Variants in SUPT3H observed in about 807,000 individuals in gnomAD.
SUPT3H encodes the protein transcription initiation protein SPT3 homolog.
A neutral mutation model predicts 44.3 loss-of-function variants in SUPT3H; 44 were observed. The ratio of observed to expected loss-of-function variants is 0.99; its 90% CI spans 0.78 to 1.28. SUPT3H has a LOEUF of 1.28. Among genes scored for constraint, SUPT3H ranks in the 50% most tolerant of loss-of-function variants. SUPT3H has a pLI of 0.00. For missense variants in SUPT3H, 380 were observed against 387.1 expected, an observed-to-expected ratio of 0.98 and a Z score of 0.15; for synonymous variants, 124 against 125.6, an observed-to-expected ratio of 0.99 and a Z score of 0.09.
At chr6:44,898,427 C>T (rs776073154) in intron 10 of SUPT3H, among the ~76,000 whole-genome samples, 1 of 152,130 alleles carries the variant, frequency 6.6e-6, no homozygotes, top group Non-Finnish European at 1.5e-5. Flanking sequence ...ACTGAGGCCC[C>T]CAGCCAACTC....
chr6:45,204,246 CAAA>C (rs1191253530), intron 2 of SUPT3H, among the ~76,000 whole-genome samples: 2 of 17,510 alleles, frequency 1.1e-4, no homozygotes, highest in African/African-American at 1.7e-4. Flanking sequence ...GATTCCGTCT[CAAA>C]AAAGAAGAAG....
chr6:44,881,406 C>A (rs923385464), intron 10 of SUPT3H, among the ~76,000 whole-genome samples: 2 of 152,148 alleles, frequency 1.3e-5, no homozygotes, highest in Admixed American at 6.5e-5. Context: ...TAGAGATCTA[C>A]AAAGAGACTT....
chr6:45,323,502 C>G (rs1785855903), intron 2 of SUPT3H, among the ~76,000 whole-genome samples: 1 of 151,856 alleles, frequency 6.6e-6, no homozygotes, highest in African/African-American at 2.4e-5. Flanking sequence ...GAATAAAGAG[C>G]AAGAAAAACA....
intron 7 of SUPT3H, among the ~76,000 whole-genome samples, chr6:44,961,188 T>C (rs1183153546): frequency 6.6e-6 from 1 of 152,196 alleles, no homozygotes; most frequent in Non-Finnish European, 1.5e-5. Context: ...TGTGCAGTGA[T>C]GTGAAAGTAC....
At chr6:44,834,113 GA>G (rs965079797) in intron 10 of SUPT3H, among the ~76,000 whole-genome samples, 5 of 152,130 alleles carry the variant, frequency 3.3e-5, no homozygotes, top group African/African-American at 1.2e-4. Context: ...TCTGAGTGGA[GA>G]TTAGGCTTTG....
intron 3 of SUPT3H, among the ~76,000 whole-genome samples, chr6:45,029,692 T>C (rs2153523074): frequency 1.3e-5 from 2 of 152,334 alleles, no homozygotes; most frequent in South Asian, 2.1e-4. Context: ...TTTTTAAAAG[T>C]TGAAATTAAA....
rs557914358 is a variant in SUPT3H, at chr6:44,902,985, G to C, written c.912+29668C>G. On this transcript the variant is annotated intron_variant, in intron 10 of 10. Transcript: ENST00000371459. ...TAAAGATGTCCTTTGAAACCAACGA[G>C]AACAAAGACACAACATACCAGAATC... is the stretch of plus-strand genomic sequence containing the variant. Among the ~76,000 whole-genome samples, 10 of 152,118 alleles carry C rather than the reference G, an allele frequency of 6.6e-5. No individual in the cohort carries two copies. The East Asian group carries it at 1.7e-3, about 26-fold the overall frequency.
intron 2 of SUPT3H, among the ~76,000 whole-genome samples, chr6:45,210,352 T>C (rs1019687017): frequency 2.6e-5 from 4 of 152,174 alleles, no homozygotes; most frequent in South Asian, 2.1e-4. Context: ...GCATATCTGA[T>C]TGCTTTCTCT....
Position 45,365,259 on chromosome 6 carries a change from T to C in SUPT3H, c.43A>G (p.Ser15Gly), listed in dbSNP as rs1432442838. ...AASPMSTATS[S>G]SGRSTGKSIS... ...GACTTCCCTGTACTCCTTCCACTAC[T>C]TGAAGTTGCAGTAGACATTGGACTA... Residue 15 changes from serine to glycine, a missense_variant, in exon 2 of 11, where the codon AGT becomes GGT. Transcript: ENST00000371459. 2.5e-6 allele frequency: 4 copies of C among 1,612,664 alleles called. No homozygotes were observed. The highest frequency in any genetic ancestry group is 2.2e-5 in the South Asian group (2 of 90,980).
chr6:45,047,409 G>T (rs756836530), intron 3 of SUPT3H, among the ~76,000 whole-genome samples: 1 of 152,116 alleles, frequency 6.6e-6, no homozygotes, highest in East Asian at 1.9e-4. Context: ...GAATATTAGG[G>T]TTGTTGGTAA....
intron 3 of SUPT3H, among the ~76,000 whole-genome samples, chr6:45,028,411 C>T (rs1196428009): frequency 6.6e-6 from 1 of 151,762 alleles, no homozygotes; most frequent in African/African-American, 2.4e-5. Flanking sequence ...TCATTTTCCT[C>T]AGGTCTATTA....
chr6:45,138,972 T>C (rs1009828239), intron 2 of SUPT3H, among the ~76,000 whole-genome samples: 6 of 152,150 alleles, frequency 3.9e-5, no homozygotes, highest in African/African-American at 1.4e-4. Context: ...TCAAATCCCC[T>C]AGTGACTGAC....
At chr6:45,002,452 C>T (rs897037472) in intron 6 of SUPT3H, among the ~76,000 whole-genome samples, 2 of 151,902 alleles carry the variant, frequency 1.3e-5, no homozygotes, top group African/African-American at 4.8e-5. Flanking sequence ...GAACCTTTCT[C>T]AGTGGCCATT....
chr6:45,315,583 C>T (rs1340796447), intron 2 of SUPT3H, among the ~76,000 whole-genome samples: 1 of 152,056 alleles, frequency 6.6e-6, no homozygotes, highest in African/African-American at 2.4e-5. Context: ...TGCGATACCA[C>T]CTTACTCCTG....
At chr6:45,239,571 G>A (rs1769892483) in intron 2 of SUPT3H, among the ~76,000 whole-genome samples, 1 of 152,348 alleles carries the variant, frequency 6.6e-6, no homozygotes, top group Admixed American at 6.5e-5. Context: ...CCTCGTTTGG[G>A]AGACTAGCTT....
chr6:45,199,723 G>C (rs1167321303), intron 2 of SUPT3H, among the ~76,000 whole-genome samples: 1 of 150,814 alleles, frequency 6.6e-6, no homozygotes, highest in Non-Finnish European at 1.5e-5. Context: ...TTTCTCTGTG[G>C]GTATTTTTTT....
At position 45,190,049 on chromosome 6, in the gene SUPT3H, G is replaced by A. The variant is rs181741409; in HGVS notation, c.102-84043C>T. On this transcript the variant is annotated intron_variant, in intron 2 of 10. Coordinates refer to ENST00000371459, the MANE Select transcript of SUPT3H (RefSeq NM_003599.4). The stretch of plus-strand genomic sequence containing the variant: ...TGTTCTGCACAACAATATTCTGGAA[G>A]CTTTAATATATGTTCCAGAGGAACA... 3.8e-3 allele frequency among the ~76,000 whole-genome samples: 576 copies of A among 152,254 alleles called. 2 individuals carry two copies. Among genetic ancestry groups the A allele is most frequent in the Non-Finnish European group, 5.8e-3 (396 of 68,008 alleles).
intron 9 of SUPT3H, among the ~76,000 whole-genome samples, chr6:44,949,553 T>C (rs1340662092): frequency 6.6e-6 from 1 of 151,832 alleles, no homozygotes; most frequent in Non-Finnish European, 1.5e-5. Context: ...TACAGGACTG[T>C]TGTCACAAGA....
chr6:45,191,896 CT>C (rs1298831634), intron 2 of SUPT3H, among the ~76,000 whole-genome samples: 3 of 152,134 alleles, frequency 2.0e-5, no homozygotes, highest in Non-Finnish European at 4.4e-5. Context: ...GGTCATGAGA[CT>C]AAAAAATATT....
Sources: allele counts gnomAD v4.1 joint callset (sites outside exome capture counted in the v4.1 genomes callset), GRCh38; gene constraint gnomAD v4.1.1; transcripts MANE v1.5; gene names NCBI Gene and HGNC (gene_info 2026-07-23, HGNC 2026-07-21).